The following CAB39L variants were observed in gnomAD, a reference collection of about 807,000 sequenced individuals.
CAB39L encodes the protein calcium binding protein 39 like, also known as calcium-binding protein 39-like.
Under a neutral mutation model 39.1 loss-of-function variants are expected in CAB39L, and 23 were observed. That is an observed-to-expected ratio of 0.59 (90% confidence interval 0.42 to 0.83). CAB39L has a LOEUF of 0.83. Among genes scored for constraint, CAB39L ranks in the 40% least tolerant of loss-of-function variants. The pLI, the probability that CAB39L is intolerant of heterozygous loss-of-function variation, is 0.00. For missense variants in CAB39L, 366 were observed against 391.9 expected (o/e 0.93, Z 0.56); for synonymous variants, 126 against 137.2 (o/e 0.92, Z 0.57).
At chr13:49,428,963 G>T (rs1330567810) in intron 3 of CAB39L, among the ~76,000 whole-genome samples, 1 of 152,130 alleles carries the variant, frequency 6.6e-6, no homozygotes, top group Non-Finnish European at 1.5e-5. Context: ...CTTCAAAGAT[G>T]TCTGAAAATT....
chr13:49,423,435 A>G (rs1383755273), intron 3 of CAB39L, among the ~76,000 whole-genome samples: 1 of 152,188 alleles, frequency 6.6e-6, no homozygotes, highest in Non-Finnish European at 1.5e-5. Context: ...TAAGAATTAG[A>G]GGCCAGGGAC....
At chr13:49,312,629 C>T (rs1207611067) in intron 10 of CAB39L, among the ~76,000 whole-genome samples, 1 of 152,220 alleles carries the variant, frequency 6.6e-6, no homozygotes, top group East Asian at 1.9e-4. Context: ...GCCTAGTGAG[C>T]ATGTTTCTCA....
chr13:49,396,631 C>G (rs952584954), intron 3 of CAB39L, among the ~76,000 whole-genome samples: 1 of 152,012 alleles, frequency 6.6e-6, no homozygotes, highest in East Asian at 1.9e-4. Context: ...TCACTTGAAC[C>G]CAGAAGGCGG....
At chr13:49,377,859 G>A (rs1187336006) in intron 4 of CAB39L, among the ~76,000 whole-genome samples, 2 of 84,098 alleles carry the variant, frequency 2.4e-5, no homozygotes, top group African/African-American at 6.9e-5. Context: ...GCCCAGTCTG[G>A]AAAGTGAGGA....
chr13:49,402,716 G>A (rs986858953), intron 3 of CAB39L, among the ~76,000 whole-genome samples: 3 of 151,840 alleles, frequency 2.0e-5, no homozygotes, highest in Non-Finnish European at 2.9e-5. Context: ...AGTAAAAGTC[G>A]GCCTTAAAAT....
At chr13:49,396,766 C>T (rs1401048559) in intron 3 of CAB39L, among the ~76,000 whole-genome samples, 1 of 151,768 alleles carries the variant, frequency 6.6e-6, no homozygotes, top group East Asian at 1.9e-4. Context: ...ACCTGTATTC[C>T]AAATAGGATT....
intron 7 of CAB39L, among the ~76,000 whole-genome samples, chr13:49,350,529 C>T (rs574781066): frequency 6.6e-6 from 1 of 152,318 alleles, no homozygotes; most frequent in African/African-American, 2.4e-5. Flanking sequence ...TCCATTTGAG[C>T]TTGTGACAAA....
chr13:49,437,772 T>C (rs1425859663), intron 1 of CAB39L, among the ~76,000 whole-genome samples: 1 of 152,256 alleles, frequency 6.6e-6, no homozygotes, highest in Non-Finnish European at 1.5e-5. Context: ...CCAACTCAGT[T>C]ATCAAACCTT....
At chr13:49,417,302 C>T (rs1030400745) in intron 3 of CAB39L, among the ~76,000 whole-genome samples, 1 of 152,196 alleles carries the variant, frequency 6.6e-6, no homozygotes, top group East Asian at 1.9e-4. Context: ...CGCTGCAATT[C>T]AATTTCAGAA....
chr13:49,426,671 T>G (rs1029657228), intron 3 of CAB39L, among the ~76,000 whole-genome samples: 1 of 152,170 alleles, frequency 6.6e-6, no homozygotes, highest in Non-Finnish European at 1.5e-5. Context: ...GTGATCTGCC[T>G]GCCTCGGCCT....
At chr13:49,366,877 G>A (rs879605453) in intron 5 of CAB39L, among the ~76,000 whole-genome samples, 9 of 152,006 alleles carry the variant, frequency 5.9e-5, no homozygotes, top group African/African-American at 1.7e-4. Flanking sequence ...TTAGCTGGGC[G>A]TGGTGGTGCA....
intron 3 of CAB39L, among the ~76,000 whole-genome samples, chr13:49,404,628 G>T (rs9535223): frequency 6.6e-6 from 1 of 152,032 alleles, no homozygotes. Flanking sequence ...AGAGATATGC[G>T]ACCTTTAAGA....
At position 49,353,925 on chromosome 13, in the gene CAB39L, A is replaced by G. The variant is rs188100049; in HGVS notation, c.396-3013T>C. ...ATGTTTTTCACGAAGCATGCATATAATGAATTTAATGAACCTCAAACTGAA... is the reference window on the plus strand; with the variant it reads ...ATGTTTTTCACGAAGCATGCATATAGTGAATTTAATGAACCTCAAACTGAA... On this transcript the variant is annotated intron_variant, in intron 6 of 10. Coordinates refer to ENST00000409308, the MANE Select transcript of CAB39L (RefSeq NM_001079670.3). Among the ~76,000 whole-genome samples, 158 of 152,302 alleles carry G rather than the reference A, an allele frequency of 1.0e-3. 1 individual carries two copies. The highest frequency in any genetic ancestry group is 3.7e-3 in the African/African-American group (154 of 41,572).
intron 3 of CAB39L, among the ~76,000 whole-genome samples, chr13:49,405,715 G>GAA (rs1566122146): frequency 6.8e-5 from 3 of 44,266 alleles, no homozygotes; most frequent in African/African-American, 1.4e-4. Flanking sequence ...GAAAGAAAGA[G>GAA]AGAGAGGAAG....
intron 9 of CAB39L, among the ~76,000 whole-genome samples, chr13:49,337,021 T>A (rs1954867918): frequency 6.6e-6 from 1 of 152,208 alleles, no homozygotes; most frequent in Non-Finnish European, 1.5e-5. Flanking sequence ...GCTGGATGGC[T>A]GGCTGAAAAA....
chr13:49,376,031 T>A (rs1209843966), intron 5 of CAB39L, among the ~76,000 whole-genome samples: 1 of 152,196 alleles, frequency 6.6e-6, no homozygotes, highest in African/African-American at 2.4e-5. Flanking sequence ...TCTTCCCTGG[T>A]CTAACTTGTG....
chr13:49,375,236 T>C (rs939285462), intron 5 of CAB39L, among the ~76,000 whole-genome samples: 1 of 152,162 alleles, frequency 6.6e-6, no homozygotes, highest in Non-Finnish European at 1.5e-5. Flanking sequence ...TATTCCTATT[T>C]TATAGATGAG....
At chr13:49,413,674 C>T (rs1957035266) in intron 3 of CAB39L, 1 of 152,122 alleles carries the variant, frequency 6.6e-6, no homozygotes, top group East Asian at 1.9e-4. Flanking sequence ...AAAGCTATTC[C>T]CTGTACACTT....
intron 7 of CAB39L, among the ~76,000 whole-genome samples, chr13:49,344,521 ATT>A (rs369905242): frequency 5.1e-5 from 7 of 135,954 alleles, no homozygotes; most frequent in Admixed American, 1.5e-4. Context: ...AGATGAGTTA[ATT>A]TTTTTTTTTT....
Sources: gnomAD v4.1 joint callset for allele counts (sites outside exome capture counted in the v4.1 genomes callset) on GRCh38, gnomAD v4.1.1 for gene constraint, MANE v1.5 for transcripts, NCBI Gene and HGNC (gene_info 2026-07-23, HGNC 2026-07-21) for gene names.